MEIOC: variants seen among roughly 807,000 people sequenced by gnomAD.
MEIOC encodes meiosis specific with coiled-coil domain.
MEIOC carries 9 observed loss-of-function variants against 85.3 expected under a neutral mutation model. The observed-to-expected ratio is 0.11, with a 90% confidence interval of 0.06 to 0.18. MEIOC has a LOEUF of 0.18. MEIOC is among the 10% of genes least tolerant of loss of function. The pLI is 1.00. For synonymous variants in MEIOC, 365 were observed against 393.7 expected (o/e 0.93, Z 0.86); for missense variants, 898 against 1,129.4 (o/e 0.80, Z 2.94).
rs1264413449 is a variant in MEIOC at position 44,673,999 on chromosome 17, A to G, written c.2662A>G (p.Ile888Val). ...AGATGTTTTTGCCCTTGCTTCTGCA[A>G]TTAAAGAGATGTGTGTGGCTACTCG... ...DRDVFALASA[I>V]KEMCVATRKT... is the part of the protein sequence containing the mutation. Residue 888 changes from isoleucine to valine, a missense_variant, in exon 8 of 8, where the codon ATT becomes GTT. By Grantham distance (29) the Ile-to-Val change is conservative. Transcript: ENST00000409122. 6 of 1,551,470 alleles carry G rather than the reference A, an allele frequency of 3.9e-6. No individual in the cohort carries two copies. In the African/African-American group the frequency reaches 5.5e-5, roughly 14 times the overall value.
intron 6 of MEIOC, among the ~76,000 whole-genome samples, chr17:44,671,910 GA>G (rs139607132): frequency 2.0e-4 from 29 of 147,292 alleles, no homozygotes; most frequent in African/African-American, 4.5e-4. Flanking sequence ...CGTCTCAAAA[GA>G]AAAAAAAAAA....
Position 44,675,342 on chromosome 17 carries a change from T to G in MEIOC, c.*1146T>G. 1.0e-6 allele frequency: 1 copy of G among 969,370 alleles called. No homozygotes were observed. Among genetic ancestry groups the G allele is most frequent in the Non-Finnish European group, 1.2e-6 (1 of 815,342 alleles). 60.0% of individuals were successfully genotyped at this position (969,370 alleles called of 1,614,324 possible). A position where few individuals can be genotyped will look rare whatever the true frequency, so the allele number is the denominator to read the frequency against. ...CTTTGTATAGAACTTGAGTAATTTA[T>G]TCGTTAATATGAAATGTTGGTATTA... On this transcript the variant is annotated 3_prime_UTR_variant, in exon 8 of 8. Transcript: ENST00000409122.
rs113083659 is a variant in MEIOC at position 44,674,971 on chromosome 17, A to T, written c.*775A>T. On this transcript the variant is annotated 3_prime_UTR_variant, in exon 8 of 8. Coordinates refer to ENST00000409122, the MANE Select transcript of MEIOC (RefSeq NM_001145080.3). ...AATTGAATCACAAAACATTCCCTTT[A>T]TCTGGATCTTTTAGACTTGATGCAC... is the stretch of plus-strand genomic sequence containing the variant. 1.9e-4 allele frequency: 190 copies of T among 981,194 alleles called. 1 individual carries two copies. Among genetic ancestry groups the T allele is most frequent in the Non-Finnish European group, 2.2e-4 (181 of 826,082 alleles). The allele number at this position is 981,194 out of a possible 1,614,324, so 60.8% of individuals were successfully genotyped here.
chr17:44,666,210 A>ATAAT (rs1208443616), intron 4 of MEIOC, among the ~76,000 whole-genome samples, 166 bp from the exon 5 acceptor site: 1 of 152,242 alleles, frequency 6.6e-6, no homozygotes, highest in Admixed American at 6.5e-5. Context: ...CATGTGACAG[A>ATAAT]TAATTATCTG....
chr17:44,675,747 A>G lies in MEIOC; in HGVS notation c.*1551A>G. On this transcript the variant is annotated 3_prime_UTR_variant, in exon 8 of 8. Coordinates refer to ENST00000409122, the MANE Select transcript of MEIOC (RefSeq NM_001145080.3). ...AAGACATGTTGGATGTTATAAAAAC[A>G]AATACTGTACTGAATTTAGTCTCAG... 5.2e-6 allele frequency: 5 copies of G among 968,612 alleles called. No individual in the cohort carries two copies. Among genetic ancestry groups the G allele is most frequent in the Non-Finnish European group, 6.1e-6 (5 of 814,674 alleles). The allele number at this position is 968,612 out of a possible 1,614,324, so 60.0% of individuals were successfully genotyped here. A position where few individuals can be genotyped will look rare whatever the true frequency, so the allele number is the denominator to read the frequency against.
intron 4 of MEIOC, among the ~76,000 whole-genome samples, chr17:44,665,889 T>C (rs745853912): frequency 4.6e-5 from 7 of 152,174 alleles, no homozygotes; most frequent in Non-Finnish European, 7.4e-5. Flanking sequence ...AATTGTTTTA[T>C]TGAAGTGTGG....
intron 2 of MEIOC, among the ~76,000 whole-genome samples, chr17:44,661,252 T>A (rs1020807617): frequency 5.7e-5 from 7 of 123,688 alleles, no homozygotes; most frequent in Admixed American, 1.1e-4. Context: ...CTCGCCACTC[T>A]ACTCCAGTCT....
intron 6 of MEIOC, among the ~76,000 whole-genome samples, chr17:44,672,865 T>C (rs1972031597): frequency 6.6e-6 from 1 of 152,210 alleles, no homozygotes. Context: ...ATGGATTCCT[T>C]AAAGCTATCA....
At chr17:44,670,558 T>TTTTTTTTTTTTTTTTG (rs1346022755) in intron 6 of MEIOC, 3 of 144,884 alleles carry the variant, frequency 2.1e-5, no homozygotes, top group Non-Finnish European at 3.0e-5. Context: ...TTTTTTTTTT[T>TTTTTTTTTTTTTTTTG]GAGGCGGGTC....
At chr17:44,658,440 C>T (rs1242191533) in intron 2 of MEIOC, among the ~76,000 whole-genome samples, 3 of 151,404 alleles carry the variant, frequency 2.0e-5, no homozygotes, top group South Asian at 2.1e-4. Context: ...CAGGCGTGAG[C>T]CACCGCGCCC....
Position 44,666,782 on chromosome 17 carries a change from G to C in MEIOC, c.871G>C (p.Gly291Arg). Residue 291 changes from glycine (G) to arginine (R), a missense_variant, in exon 5 of 8, where the codon GGA becomes CGA. Coordinates refer to ENST00000409122, the MANE Select transcript of MEIOC (RefSeq NM_001145080.3). ...KESGVDIYHY[G>R]RDRICTKGLE... ...ATCAGGAGTTGATATCTACCATTAT[G>C]GAAGAGACAGAATATGTACTAAAGG... The C allele has an allele frequency of 2.5e-6, 4 of 1,613,402 alleles. No homozygotes were observed. Among genetic ancestry groups the C allele is most frequent in the Middle Eastern group, 3.3e-4 (2 of 6,060 alleles).
At chr17:44,668,473 A>G (rs1971946692) in intron 5 of MEIOC, among the ~76,000 whole-genome samples, 1 of 152,148 alleles carries the variant, frequency 6.6e-6, no homozygotes, top group South Asian at 2.1e-4. Flanking sequence ...AGCTAGTACT[A>G]CAGGCACATG....
intron 3 of MEIOC, among the ~76,000 whole-genome samples, chr17:44,663,963 T>C (rs928059892): frequency 2.6e-5 from 4 of 152,186 alleles, no homozygotes; most frequent in Non-Finnish European, 5.9e-5. Flanking sequence ...TCCAATGTTA[T>C]GAAGATCAAT....
Position 44,675,097 on chromosome 17 carries a change from T to A in MEIOC, c.*901T>A. 1.0e-6 allele frequency: 1 copy of A among 985,160 alleles called. No homozygotes were observed. The highest frequency in any genetic ancestry group is 4.7e-5 in the South Asian group (1 of 21,280). 61.0% of individuals were successfully genotyped at this position (985,160 alleles called of 1,614,324 possible). ...ATGTATTTTTTTAAAGGTTAATCTC[T>A]AACTAGTTTAGCTTGCAATTGGTTA... On this transcript the variant is annotated 3_prime_UTR_variant, in exon 8 of 8. Coordinates refer to ENST00000409122, the MANE Select transcript of MEIOC (RefSeq NM_001145080.3).
intron 2 of MEIOC, among the ~76,000 whole-genome samples, chr17:44,658,516 C>T (rs2144655496): frequency 6.7e-6 from 1 of 149,268 alleles, no homozygotes; most frequent in East Asian, 2.1e-4. Context: ...AGTTAAGGGC[C>T]GGGCGCCATG....
chr17:44,671,515 A>AT (rs1163935139), intron 6 of MEIOC, among the ~76,000 whole-genome samples: 1 of 149,984 alleles, frequency 6.7e-6, no homozygotes, highest in Non-Finnish European at 1.5e-5. Flanking sequence ...ATACCACTGC[A>AT]TGCCAGCCTG....
At position 44,674,217 on chromosome 17, in the gene MEIOC, G is replaced by C; in HGVS notation, c.*21G>C. The stretch of plus-strand genomic sequence containing the variant: ...ATTAAGGAAATGCCAGCAGAAAGAA[G>C]AATAAAAAGCTGATAAATATACCAA... On this transcript the variant is annotated 3_prime_UTR_variant, in exon 8 of 8. Coordinates refer to ENST00000409122, the MANE Select transcript of MEIOC (RefSeq NM_001145080.3). 1 of 1,532,800 alleles carries C rather than the reference G, an allele frequency of 6.5e-7. No individual in the cohort carries two copies. The highest frequency in any genetic ancestry group is 8.8e-7 in the Non-Finnish European group (1 of 1,137,458). The allele number at this position is 1,532,800 out of a possible 1,614,324, so 94.9% of individuals were successfully genotyped here.
rs1555668130 is a variant in MEIOC at position 44,674,169 on chromosome 17, CCAGAGAGGTGAAA to C, written c.2835_2847del (p.Arg946ThrfsTer15). On this transcript the variant is annotated frameshift_variant, in exon 8 of 8. Coordinates refer to ENST00000409122, the MANE Select transcript of MEIOC (RefSeq NM_001145080.3). LOFTEE classifies it high-confidence loss of function. ...GCATAAATAGTAGCAATCCAATGAA[CCAGAGAGGTGAAA>C]CAAACAAACATTAAGGAAATGCCAG... 6.4e-7 allele frequency: 1 copy of C among 1,551,078 alleles called. No homozygotes were observed. Among genetic ancestry groups the C allele is most frequent in the Non-Finnish European group, 8.7e-7 (1 of 1,146,772 alleles).
At chr17:44,671,705 G>C (rs1487080602) in intron 6 of MEIOC, among the ~76,000 whole-genome samples, 1 of 152,072 alleles carries the variant, frequency 6.6e-6, no homozygotes. Context: ...AGGAGATCAA[G>C]ACCATCCTGG....
Sources: allele counts gnomAD v4.1 joint callset (sites outside exome capture counted in the v4.1 genomes callset), GRCh38; gene constraint gnomAD v4.1.1; transcripts MANE v1.5; gene names NCBI Gene and HGNC (gene_info 2026-07-23, HGNC 2026-07-21).